The following SYCP2L variants were observed in gnomAD, a reference collection of about 807,000 sequenced individuals.
SYCP2L encodes synaptonemal complex protein 2-like.
A neutral mutation model predicts 125.8 loss-of-function variants in SYCP2L; 98 were observed. The ratio of observed to expected loss-of-function variants is 0.78; its 90% CI spans 0.66 to 0.92. The LOEUF (loss-of-function observed/expected upper bound fraction) is 0.92, where lower values mean the gene tolerates loss of function less well. SYCP2L is among the 40% of genes least tolerant of loss of function. SYCP2L has a pLI of 0.00. For synonymous variants in SYCP2L, 317 were observed against 325.4 expected (o/e 0.97, Z 0.28); for missense variants, 842 against 936.4 (o/e 0.90, Z 1.32).
intron 20 of SYCP2L, among the ~76,000 whole-genome samples, chr6:10,933,044 G>A (rs1438639859): frequency 6.6e-6 from 1 of 152,198 alleles, no homozygotes; most frequent in African/African-American, 2.4e-5. Flanking sequence ...GTGAGCCACC[G>A]TGCCTTGCCA....
intron 20 of SYCP2L, among the ~76,000 whole-genome samples, chr6:10,932,178 C>T (rs904357594): frequency 6.6e-6 from 1 of 151,960 alleles, no homozygotes; most frequent in East Asian, 1.9e-4. Context: ...ATTATTTAGA[C>T]ATTTATTTTG....
At chr6:10,925,296 G>A (rs540638755) in intron 15 of SYCP2L, among the ~76,000 whole-genome samples, 4 of 152,262 alleles carry the variant, frequency 2.6e-5, no homozygotes, top group South Asian at 4.2e-4. Context: ...TGGGAATTAC[G>A]GGAGCTACAA....
At chr6:10,961,839 T>G (rs566196918) in intron 28 of SYCP2L, among the ~76,000 whole-genome samples, 1 of 152,338 alleles carries the variant, frequency 6.6e-6, no homozygotes, top group African/African-American at 2.4e-5. Context: ...ATTAAAATGG[T>G]TAGATTTTGA....
chr6:10,928,491 C>A, intron 18 of SYCP2L, 41 bp downstream of exon 18: 1 of 1,535,894 alleles, frequency 6.5e-7, no homozygotes, highest in Non-Finnish European at 8.7e-7. Context: ...TATCTGTCTC[C>A]AGTGGGACTG....
At chr6:10,956,939 AC>A (rs1781511051) in intron 25 of SYCP2L, among the ~76,000 whole-genome samples, 1 of 152,104 alleles carries the variant, frequency 6.6e-6, no homozygotes, top group South Asian at 2.1e-4. Flanking sequence ...TGATCCTCCC[AC>A]CTAAGCCTCC....
chr6:10,900,358 CTTTTTTT>C (rs1241224571), intron 6 of SYCP2L, among the ~76,000 whole-genome samples: 3 of 127,990 alleles, frequency 2.3e-5, no homozygotes, highest in African/African-American at 7.9e-5. Context: ...CTTTTCTTTT[CTTTTTTT>C]TTTTTTGAGA....
At chr6:10,948,377 C>A (rs868554673) in intron 23 of SYCP2L, among the ~76,000 whole-genome samples, 1 of 152,102 alleles carries the variant, frequency 6.6e-6, no homozygotes, top group Admixed American at 6.6e-5. Context: ...AACCACCCTT[C>A]TATGCTAAGT....
At chr6:10,919,529 G>A (rs1780752421) in intron 14 of SYCP2L, among the ~76,000 whole-genome samples, 1 of 152,184 alleles carries the variant, frequency 6.6e-6, no homozygotes, top group African/African-American at 2.4e-5. Flanking sequence ...GTAGTTTAAT[G>A]CTCTGTTTTT....
At chr6:10,891,607 CTCT>C (rs1561677914) in intron 2 of SYCP2L, 26 bp downstream of exon 2, 8 of 452,946 alleles carry the variant, frequency 1.8e-5, no homozygotes, top group Non-Finnish European at 2.6e-5. Context: ...CTTTTATAAT[CTCT>C]CTCTGTGTGT....
intron 20 of SYCP2L, among the ~76,000 whole-genome samples, chr6:10,932,806 T>C (rs1162137984): frequency 1.3e-5 from 2 of 152,184 alleles, no homozygotes; most frequent in Admixed American, 1.3e-4. Context: ...TAGGCTGAAG[T>C]GCAGTAGTGC....
chr6:10,927,397 C>T (rs376275178), intron 17 of SYCP2L, 30 bp downstream of exon 17: 74 of 1,573,978 alleles, frequency 4.7e-5, no homozygotes, highest in Admixed American at 2.7e-4. Context: ...CCCTAAGCAT[C>T]GGCCAGGTTG....
At position 10,924,576 on chromosome 6, in the gene SYCP2L, A is replaced by G. The variant is rs1161806233; in HGVS notation, c.1153A>G (p.Ile385Val). 1 of 1,606,526 alleles carries G rather than the reference A, an allele frequency of 6.2e-7. No homozygotes were observed. The highest frequency in any genetic ancestry group is 8.5e-7 in the Non-Finnish European group (1 of 1,178,042). Reference protein sequence around the residue: ...ISYKEVMKIEIHFDLQFNISQ... With the variant: ...ISYKEVMKIEVHFDLQFNISQ... ...CTACAAAGAAGTCATGAAAATAGAA[A>G]TCCATTTTGATTTGCAGTTCAACAT... The change falls in exon 15 of 30, where the codon ATC becomes GTC. Residue 385 changes from isoleucine (I) to valine (V), a missense_variant. Coordinates refer to ENST00000283141, the MANE Select transcript of SYCP2L (RefSeq NM_001040274.3).
Position 10,955,224 on chromosome 6 carries a change from T to A in SYCP2L, c.2056+7T>A. ...GAAGAAAGAGAGTTGCCAGGTAACATCATGCACCCAGCCAATGGTTCAAGT... is the reference window on the plus strand; with the variant it reads ...GAAGAAAGAGAGTTGCCAGGTAACAACATGCACCCAGCCAATGGTTCAAGT... On this transcript the variant is annotated splice_region_variant and intron_variant, in intron 24 of 29. Transcript: ENST00000283141. The A allele has an allele frequency of 6.4e-7, 1 of 1,566,418 alleles. No homozygotes were observed. The highest frequency in any genetic ancestry group is 8.8e-7 in the Non-Finnish European group (1 of 1,136,488).
At chr6:10,907,962 C>T (rs1285233201) in intron 10 of SYCP2L, among the ~76,000 whole-genome samples, 1 of 133,196 alleles carries the variant, frequency 7.5e-6, no homozygotes, top group Admixed American at 8.8e-5. Context: ...AATCTCAGCT[C>T]ACTGCAACCT....
In SYCP2L at chr6:10,935,203, T is replaced by C. The variant is rs1781071439; in HGVS notation, c.1813+16T>C. ...CAGAAAACAGGTACATGATTTTCTG[T>C]TGACTTACATAGGAAAAAATTTGTA... is the stretch of plus-strand genomic sequence containing the variant. On this transcript the variant is annotated intron_variant, in intron 21 of 29. Transcript: ENST00000283141. 6.2e-7 allele frequency: 1 copy of C among 1,605,654 alleles called. No homozygotes were observed. The highest frequency in any genetic ancestry group is 8.5e-7 in the Non-Finnish European group (1 of 1,178,064).
At chr6:10,942,773 T>G in intron 23 of SYCP2L, 27 bp downstream of exon 23, 1 of 1,577,818 alleles carries the variant, frequency 6.3e-7, no homozygotes, top group Non-Finnish European at 8.6e-7. Context: ...TTTTTTTTTT[T>G]TTTTGCAGAA....
At chr6:10,897,903 A>G (rs1780285763) in intron 4 of SYCP2L, 108 bp from the exon 5 acceptor site, 2 of 770,974 alleles carry the variant, frequency 2.6e-6, no homozygotes, top group Admixed American at 2.1e-5. Context: ...ATGGAATGGG[A>G]AAAGATCTTT....
chr6:10,908,931 C>A (rs1452537010), intron 10 of SYCP2L, among the ~76,000 whole-genome samples: 1 of 152,148 alleles, frequency 6.6e-6, no homozygotes, highest in Admixed American at 6.5e-5. Context: ...AAGCCCACCT[C>A]AAAGTCTTGA....
intron 5 of SYCP2L, 151 bp downstream of exon 5, chr6:10,898,266 G>A (rs1451927738): frequency 4.9e-6 from 3 of 608,240 alleles, no homozygotes; most frequent in Admixed American, 5.7e-5. Context: ...TGTAATCCCA[G>A]CACTTTGGGA....
Sources: gnomAD v4.1 joint callset for allele counts (sites outside exome capture counted in the v4.1 genomes callset) on GRCh38, gnomAD v4.1.1 for gene constraint, MANE v1.5 for transcripts, NCBI Gene and HGNC (gene_info 2026-07-23, HGNC 2026-07-21) for gene names.